NPAT: variants seen among roughly 807,000 people sequenced by gnomAD.
NPAT encodes the protein nuclear protein, coactivator of histone transcription.
NPAT carries 52 observed loss-of-function variants against 130.7 expected under a neutral mutation model. That is an observed-to-expected ratio of 0.40 (90% CI 0.32 to 0.50). The LOEUF is 0.50. Among genes scored for constraint, NPAT ranks in the 20% least tolerant of loss-of-function variants. NPAT has a pLI of 0.68. For missense variants in NPAT, 1,687 were observed against 1,662.6 expected, an observed-to-expected ratio of 1.01 and a Z score of -0.26; for synonymous variants, 580 against 584.8, an observed-to-expected ratio of 0.99 and a Z score of 0.12.
chr11:108,215,603 T>C (rs907035217), intron 1 of NPAT, among the ~76,000 whole-genome samples: 3 of 152,226 alleles, frequency 2.0e-5, no homozygotes, highest in African/African-American at 7.2e-5. Context: ...ACTGTATCGT[T>C]AACCAGGTCC....
chr11:108,216,863 T>G (rs1015172865), intron 1 of NPAT, among the ~76,000 whole-genome samples: 9 of 152,206 alleles, frequency 5.9e-5, no homozygotes, highest in African/African-American at 2.2e-4. Flanking sequence ...CATTTTAGAT[T>G]AGATTTGATG....
At chr11:108,160,778 CA>C in intron 17 of NPAT, 101 bp downstream of exon 17, 1 of 1,019,464 alleles carries the variant, frequency 9.8e-7, no homozygotes, top group Non-Finnish European at 1.5e-6. Context: ...CTGTCTTAGC[CA>C]TAACGTTCAG....
intron 1 of NPAT, among the ~76,000 whole-genome samples, chr11:108,209,409 C>A (rs1286874443): frequency 1.3e-5 from 2 of 151,938 alleles, no homozygotes; most frequent in African/African-American, 4.8e-5. Context: ...AATTCAAGAG[C>A]CTGTGTCTAA....
intron 13 of NPAT, chr11:108,171,853 T>A (rs2077954602): frequency 4.4e-6 from 1 of 225,026 alleles, no homozygotes; most frequent in South Asian, 7.3e-5. Flanking sequence ...AGACCATGAC[T>A]ATAAGAGCTA....
intron 10 of NPAT, among the ~76,000 whole-genome samples, chr11:108,179,883 G>A (rs1194385041): frequency 6.6e-6 from 1 of 152,132 alleles, no homozygotes; most frequent in Non-Finnish European, 1.5e-5. Flanking sequence ...GACACTAAAA[G>A]CTCAAGCAAC....
At chr11:108,181,479 C>CA (rs2078058025) in intron 10 of NPAT, among the ~76,000 whole-genome samples, 4 of 151,304 alleles carry the variant, frequency 2.6e-5, no homozygotes, top group South Asian at 4.2e-4. Context: ...AAAACAAAAA[C>CA]AAAAAAAACT....
intron 3 of NPAT, among the ~76,000 whole-genome samples, chr11:108,193,358 A>G (rs1284648042): frequency 6.6e-6 from 1 of 152,180 alleles, no homozygotes; most frequent in East Asian, 1.9e-4. Context: ...TATTTTACAT[A>G]TTTTTTAAAG....
At position 108,158,597 on chromosome 11, in the gene NPAT, TAAG is replaced by T. The variant is rs1365883244; in HGVS notation, c.*342_*344del. ...GAGTAAGTCTCAGAATTAGGGATCATAAGAAGTCAAAAAACACAGTGTAAGAAC... is the reference window on the plus strand; with the variant it reads ...GAGTAAGTCTCAGAATTAGGGATCATAAGTCAAAAAACACAGTGTAAGAAC... On this transcript the variant is annotated 3_prime_UTR_variant, in exon 18 of 18. Coordinates refer to ENST00000278612, the MANE Select transcript of NPAT (RefSeq NM_002519.3). 5.9e-5 allele frequency: 11 copies of T among 185,904 alleles called. No individual in the cohort carries two copies. The highest frequency in any genetic ancestry group is 1.1e-4 in the Non-Finnish European group (10 of 88,852). The allele number at this position is 185,904 out of a possible 1,614,324, so 11.5% of individuals were successfully genotyped here. A position where few individuals can be genotyped will look rare whatever the true frequency, so the allele number is the denominator to read the frequency against.
chr11:108,215,279 A>C (rs2078422959), intron 1 of NPAT, among the ~76,000 whole-genome samples: 1 of 146,084 alleles, frequency 6.8e-6, no homozygotes, highest in African/African-American at 2.7e-5. Context: ...CATAATAGTC[A>C]GTAAGTATTT....
chr11:108,205,918 G>A (rs947529193), intron 1 of NPAT, among the ~76,000 whole-genome samples: 14 of 152,028 alleles, frequency 9.2e-5, no homozygotes, highest in African/African-American at 1.9e-4. Context: ...GGTGGGACTC[G>A]CCTGTAATCT....
chr11:108,201,590 T>C (rs2078275795), intron 1 of NPAT, among the ~76,000 whole-genome samples: 1 of 152,186 alleles, frequency 6.6e-6, no homozygotes, highest in Admixed American at 6.5e-5. Flanking sequence ...ATTTGGTAGC[T>C]AAAGGATGGC....
chr11:108,188,225 T>C (rs1446169834), intron 6 of NPAT, 46 bp from the exon 7 acceptor site: 4 of 1,370,780 alleles, frequency 2.9e-6, no homozygotes, highest in Non-Finnish European at 3.1e-6. Context: ...AACTGAATAG[T>C]TTTCTAAACT....
rs567829310 is a variant in NPAT at position 108,172,688 on chromosome 11, C to T, written c.2296G>A (p.Glu766Lys). The change falls in exon 13 of 18, where the codon GAA becomes AAA. Residue 766 changes from glutamate to lysine, a missense_variant. Coordinates refer to ENST00000278612, the MANE Select transcript of NPAT (RefSeq NM_002519.3). ...GACAAGATTATAGTTGGCAGGTTTT[C>T]TCCATTAATACTAGAAACAGCACTG... is the stretch of plus-strand genomic sequence containing the variant. The part of the protein sequence containing the change: ...LTSAVSSING[E>K]NLPTIILSSP... The T allele has an allele frequency of 8.7e-6, 14 of 1,613,870 alleles. No individual in the cohort carries two copies. In the South Asian group the frequency reaches 1.5e-4, roughly 18 times the overall value.
At chr11:108,171,453 A>C (rs2077950504) in intron 13 of NPAT, 1 of 151,152 alleles carries the variant, frequency 6.6e-6, no homozygotes, top group South Asian at 2.1e-4. Context: ...ACAGAGATCA[A>C]TTAGAAAGGA....
At position 108,173,238 on chromosome 11, in the gene NPAT, A is replaced by C. The variant is rs1565311396; in HGVS notation, c.1746T>G (p.Ile582Met). ...GTGACATAACTGGTTCTAACACATT[A>C]ATTTCTATTTTACTCTTGTGAACTT... The part of the protein sequence containing the change: ...SSEVHKSKIE[I>M]NVLEPVMSQL... The change falls in exon 13 of 18, where the codon ATT becomes ATG. Residue 582 changes from isoleucine to methionine, a missense_variant. Physicochemically the swap from Ile to Met is conservative, Grantham distance 10 (BLOSUM62 1). Coordinates refer to ENST00000278612, the MANE Select transcript of NPAT (RefSeq NM_002519.3). 1.2e-6 allele frequency: 2 copies of C among 1,612,850 alleles called. No homozygotes were observed. Among genetic ancestry groups the C allele is most frequent in the Non-Finnish European group, 1.7e-6 (2 of 1,179,358 alleles).
chr11:108,161,742 A>G lies in NPAT; in HGVS notation c.3344T>C (p.Ile1115Thr). Residue 1115 changes from isoleucine (I) to threonine (T), a missense_variant, in exon 17 of 18, where the codon ATC becomes ACC. Around this residue, in one of 3 missense-constraint regions of NPAT, gnomAD observed 1,379 missense variants for 1,346.6 expected, o/e 1.02. Transcript: ENST00000278612. ...AGGAGGCTTCTCTTTCTCTCTTTTG[A>G]TAGCATTATTAGAAGGGGGTTTTAA... ...STLKPPSNNA[I>T]KREKEKPPLP... 10 of 1,613,690 alleles carry G rather than the reference A, an allele frequency of 6.2e-6. No homozygotes were observed. The highest frequency in any genetic ancestry group is 7.6e-6 in the Non-Finnish European group (9 of 1,180,030).
chr11:108,217,651 C>A (rs2078446205), intron 1 of NPAT, among the ~76,000 whole-genome samples: 1 of 152,034 alleles, frequency 6.6e-6, no homozygotes, highest in African/African-American at 2.4e-5. Flanking sequence ...ATTTTAGGCA[C>A]AAATTAATTC....
At chr11:108,189,618 C>A (rs1172883015) in intron 5 of NPAT, among the ~76,000 whole-genome samples, 1 of 152,036 alleles carries the variant, frequency 6.6e-6, no homozygotes, top group African/African-American at 2.4e-5. Context: ...CGCCTGTAAT[C>A]CCAGCACTTT....
chr11:108,202,551 T>TA (rs1408487754), intron 1 of NPAT, among the ~76,000 whole-genome samples: 6 of 152,202 alleles, frequency 3.9e-5, no homozygotes, highest in African/African-American at 1.4e-4. Flanking sequence ...TAAAAGTTCT[T>TA]AAAATCCTTC....
Sources: allele counts gnomAD v4.1 joint callset (sites outside exome capture counted in the v4.1 genomes callset), GRCh38; gene constraint gnomAD v4.1.1; regional missense constraint gnomAD v4.1.1; transcripts MANE v1.5; gene names NCBI Gene and HGNC (gene_info 2026-07-23, HGNC 2026-07-21).